The following LRRC66 variants were observed in gnomAD, a reference collection of about 807,000 sequenced individuals.
LRRC66 encodes leucine rich repeat containing 66.
In LRRC66, 29 loss-of-function variants were observed where a neutral mutation model predicts 24.6. The observed-to-expected ratio is 1.18, with a 90% CI of 0.88 to 1.61. LRRC66 has a LOEUF of 1.61. Ranked by LOEUF, LRRC66 falls within the 40% of genes most tolerant of loss-of-function variation. LRRC66 has a pLI of 0.00. For synonymous variants in LRRC66, 411 were observed against 397.6 expected, an observed-to-expected ratio of 1.03 and a Z score of -0.40; for missense variants, 1,124 against 1,058.0, an observed-to-expected ratio of 1.06 and a Z score of -0.87.
chr4:51,996,729 G>A (rs1019196007), intron 4 of LRRC66, among the ~76,000 whole-genome samples: 3 of 152,162 alleles, frequency 2.0e-5, no homozygotes, highest in Non-Finnish European at 4.4e-5. Context: ...ATGGCTATCA[G>A]GCTGAGGTCT....
Position 51,995,422 on chromosome 4 carries a change from G to A in LRRC66, c.1600C>T (p.Leu534Phe), listed in dbSNP as rs757352898. The A allele has an allele frequency of 1.9e-5, 31 of 1,614,044 alleles. No individual in the cohort carries two copies. Among genetic ancestry groups the A allele is most frequent in the Non-Finnish European group, 2.4e-5 (28 of 1,180,054 alleles). Residue 534 changes from leucine (L) to phenylalanine (F), a missense_variant, in exon 5 of 5, where the codon CTC becomes TTC. Physicochemically the swap from Leu to Phe is conservative, Grantham distance 22. Transcript: ENST00000682860. ...ACAGTTTCATAAGTCCATTCTCCGA[G>A]AATATCATTCCTATGGATGTGGTCC... ...AQDHIHRNDILGEWTYETVAQ... is the reference protein window; with the variant it reads ...AQDHIHRNDIFGEWTYETVAQ...
intron 2 of LRRC66, among the ~76,000 whole-genome samples, chr4:52,004,502 C>A (rs1736530784): frequency 6.6e-6 from 1 of 152,126 alleles, no homozygotes; most frequent in Non-Finnish European, 1.5e-5. Context: ...CCAGGAGGTC[C>A]ATTTGGCACT....
chr4:52,013,184 CCATAATCCAGTAG>C (rs1317305465), intron 2 of LRRC66, among the ~76,000 whole-genome samples: 2 of 152,136 alleles, frequency 1.3e-5, no homozygotes, highest in African/African-American at 4.8e-5. Flanking sequence ...ATTGATAATT[CCATAATCCAGTAG>C]CAATCAGGAT....
Position 52,017,216 on chromosome 4 carries a change from G to T in LRRC66, c.398C>A (p.Ser133Tyr), listed in dbSNP as rs200709873. 1.3e-3 allele frequency: 2,048 copies of T among 1,613,956 alleles called. 9 individuals carry two copies. The highest frequency in any genetic ancestry group is 1.5e-3 in the Non-Finnish European group (1,738 of 1,179,954). Residue 133 changes from serine (S) to tyrosine (Y), a missense_variant, in exon 2 of 5, where the codon TCC becomes TAC. Coordinates refer to ENST00000682860, the MANE Select transcript of LRRC66 (RefSeq NM_001024611.3). ...SLSLDLLSPKSSWVKRHRSSF... is the reference protein window; with the variant it reads ...SLSLDLLSPKYSWVKRHRSSF... ...GCTTCTGTGGCGTTTCACCCATGAG[G>T]ACTTAGGACTGAGTAGATCCAATGA...
chr4:52,013,829 G>A (rs1181292686), intron 2 of LRRC66, among the ~76,000 whole-genome samples: 2 of 152,200 alleles, frequency 1.3e-5, no homozygotes, highest in Admixed American at 1.3e-4. Context: ...TTGCTTGATT[G>A]TTGCTTTCTG....
intron 2 of LRRC66, among the ~76,000 whole-genome samples, chr4:52,016,334 T>C (rs1342765379): frequency 6.6e-6 from 1 of 152,188 alleles, no homozygotes; most frequent in Non-Finnish European, 1.5e-5. Context: ...TTATACATTT[T>C]TTTGAATAAT....
rs1736355182 is a variant in LRRC66 at position 51,997,738 on chromosome 4, A to C, written c.856+10T>G. ...AATGGAGCCTTTTCAGAGAGACATT[A>C]CTGACTTACCTATAGACCTGTTGCA... On this transcript the variant is annotated intron_variant, in intron 4 of 4. Coordinates refer to ENST00000682860, the MANE Select transcript of LRRC66 (RefSeq NM_001024611.3). 1 of 1,609,552 alleles carries C rather than the reference A, an allele frequency of 6.2e-7. No homozygotes were observed. Among genetic ancestry groups the C allele is most frequent in the Admixed American group, 1.7e-5 (1 of 59,852 alleles).
chr4:52,003,937 A>T (rs1736514947), intron 2 of LRRC66, among the ~76,000 whole-genome samples: 1 of 152,218 alleles, frequency 6.6e-6, no homozygotes, highest in Non-Finnish European at 1.5e-5. Flanking sequence ...GCTAAACAAT[A>T]GAGGAAAAAA....
rs751294289 is a variant in LRRC66 at position 51,997,889 on chromosome 4, T to C, written c.715A>G (p.Ile239Val). ...AGATGGGGAAATTCTAGAGCTATGA[T>C]CATCATTGGTAGGATGGTAATCAGA... The part of the protein sequence containing the change: ...NALITILPMM[I>V]IALEFPHLVV... The change falls in exon 4 of 5, where the codon ATC becomes GTC. Residue 239 changes from isoleucine (I) to valine (V), a missense_variant. Coordinates refer to ENST00000682860, the MANE Select transcript of LRRC66 (RefSeq NM_001024611.3). 9 of 1,614,134 alleles carry C rather than the reference T, an allele frequency of 5.6e-6. No homozygotes were observed. The East Asian group carries it at 6.7e-5, about 12-fold the overall frequency.
chr4:51,994,287 A>T lies in LRRC66; in HGVS notation c.*92T>A. On this transcript the variant is annotated 3_prime_UTR_variant, in exon 5 of 5. Transcript: ENST00000682860. ...GGTTGGAATTCATGTTGTCTCCTTC[A>T]GGATCTTGTTGTGAAGGCTTTAGTT... 1 of 1,220,298 alleles carries T rather than the reference A, an allele frequency of 8.2e-7. No individual in the cohort carries two copies. The highest frequency in any genetic ancestry group is 1.1e-6 in the Non-Finnish European group (1 of 888,314). 75.6% of individuals were successfully genotyped at this position (1,220,298 alleles called of 1,614,324 possible). A position where few individuals can be genotyped will look rare whatever the true frequency, so the allele number is the denominator to read the frequency against.
In LRRC66 at chr4:51,995,495, G is replaced by A. The variant is rs548743746; in HGVS notation, c.1527C>T (p.Leu509=). The A allele has an allele frequency of 5.6e-6, 9 of 1,614,148 alleles. No individual in the cohort carries two copies. The Admixed American group carries it at 1.5e-4, about 27-fold the overall frequency. ...GGTTACCGGCATGTGGATGTCTCTG[G>A]AGAATGGAATAGACTGCACCATCAT... ...SGNDGAVYSI[L]QRHPHAGNRE... The change falls in exon 5 of 5, where the codon CTC becomes CTT. Residue 509 remains leucine, a synonymous_variant. Transcript: ENST00000682860.
intron 4 of LRRC66, among the ~76,000 whole-genome samples, chr4:51,996,413 G>T (rs1736319771): frequency 6.6e-6 from 1 of 151,772 alleles, no homozygotes; most frequent in Non-Finnish European, 1.5e-5. Context: ...CGCCTGGGCT[G>T]CTTTTTTTTT....
intron 2 of LRRC66, among the ~76,000 whole-genome samples, chr4:52,008,541 G>T (rs989651476): frequency 6.6e-6 from 1 of 151,496 alleles, no homozygotes; most frequent in Non-Finnish European, 1.5e-5. Context: ...GTGTATGTCA[G>T]GAACACTATA....
At chr4:52,002,033 T>A (rs776737349) in intron 3 of LRRC66, among the ~76,000 whole-genome samples, 6 of 152,220 alleles carry the variant, frequency 3.9e-5, no homozygotes, top group Non-Finnish European at 8.8e-5. Context: ...ATCATGTATG[T>A]CCTCAAAGAG....
At chr4:52,008,960 C>G (rs1416778704) in intron 2 of LRRC66, among the ~76,000 whole-genome samples, 1 of 151,882 alleles carries the variant, frequency 6.6e-6, no homozygotes. Flanking sequence ...TAGGACAATA[C>G]CTGCACAAAG....
chr4:52,016,862 T>C (rs902800423), intron 2 of LRRC66, among the ~76,000 whole-genome samples: 4 of 152,228 alleles, frequency 2.6e-5, no homozygotes, highest in Non-Finnish European at 5.9e-5. Context: ...TATTTAGCAC[T>C]TAAATACTTC....
In LRRC66 at chr4:51,994,168, T is replaced by C. The variant is rs1317673376; in HGVS notation, c.*211A>G. The C allele has an allele frequency of 1.5e-5, 8 of 538,058 alleles. 1 individual carries two copies. The highest frequency in any genetic ancestry group is 7.1e-5 in the Admixed American group (2 of 28,076). The allele number at this position is 538,058 out of a possible 1,614,324, so 33.3% of individuals were successfully genotyped here. A position where few individuals can be genotyped will look rare whatever the true frequency, so the allele number is the denominator to read the frequency against. On this transcript the variant is annotated 3_prime_UTR_variant, in exon 5 of 5. Transcript: ENST00000682860. ...ACACTGAAGAGCAGGTTCATCCCCA[T>C]AGGATGTTAACAAGTGTGTTTAGCT...
intron 3 of LRRC66, among the ~76,000 whole-genome samples, chr4:51,999,658 T>G (rs895629210): frequency 3.3e-5 from 5 of 152,192 alleles, no homozygotes; most frequent in African/African-American, 1.2e-4. Context: ...CTTATTATAT[T>G]ACAAATCATG....
intron 3 of LRRC66, among the ~76,000 whole-genome samples, chr4:52,000,306 T>C (rs1033739987): frequency 6.6e-6 from 1 of 152,096 alleles, no homozygotes; most frequent in Admixed American, 6.6e-5. Flanking sequence ...GCACAGAAAA[T>C]ACAACAGATG....
Sources: allele counts gnomAD v4.1 joint callset (sites outside exome capture counted in the v4.1 genomes callset), GRCh38; gene constraint gnomAD v4.1.1; transcripts MANE v1.5; gene names NCBI Gene and HGNC (gene_info 2026-07-23, HGNC 2026-07-21).